Variants in GALNTL6 observed in about 807,000 individuals in gnomAD.
The protein encoded by GALNTL6 is polypeptide N-acetylgalactosaminyltransferase-like 6.
Under a neutral mutation model 73.7 loss-of-function variants are expected in GALNTL6, and 46 were observed. That is an observed-to-expected ratio of 0.62 (90% confidence interval 0.49 to 0.80). GALNTL6 has a LOEUF of 0.80. GALNTL6 is among the 30% of genes least tolerant of loss of function. The pLI is 0.00. For synonymous variants in GALNTL6, 259 were observed against 263.7 expected (o/e 0.98, Z 0.17); for missense variants, 604 against 755.0 (o/e 0.80, Z 2.34).
chr4:172,587,765 T>C (rs1246096635), intron 5 of GALNTL6, among the ~76,000 whole-genome samples: 1 of 152,120 alleles, frequency 6.6e-6, no homozygotes, highest in Non-Finnish European at 1.5e-5. Flanking sequence ...ACCACTAGAC[T>C]AGTGTGTGTG....
At chr4:172,934,063 A>T (rs936621494) in intron 9 of GALNTL6, among the ~76,000 whole-genome samples, 2 of 152,218 alleles carry the variant, frequency 1.3e-5, no homozygotes, top group Non-Finnish European at 2.9e-5. Context: ...TTTACCTGGC[A>T]TTAGAATCTG....
rs554232906 is a variant in GALNTL6 at position 172,747,029 on chromosome 4, A to T, written c.554-62332A>T. ...AGGATACAAAATTAATATTATGTTTATATACTAACAACAATCTGTCAAAGA... is the reference window on the plus strand; with the variant it reads ...AGGATACAAAATTAATATTATGTTTTTATACTAACAACAATCTGTCAAAGA... On this transcript the variant is annotated intron_variant, in intron 5 of 12. Coordinates refer to ENST00000506823, the MANE Select transcript of GALNTL6 (RefSeq NM_001034845.3). Among the ~76,000 whole-genome samples, 3 of 152,240 alleles carry T rather than the reference A, an allele frequency of 2.0e-5. No individual in the cohort carries two copies. In the East Asian group the frequency reaches 5.8e-4, roughly 29 times the overall value.
chr4:171,988,989 A>G (rs1209417820), intron 2 of GALNTL6, among the ~76,000 whole-genome samples: 1 of 152,060 alleles, frequency 6.6e-6, no homozygotes, highest in Non-Finnish European at 1.5e-5. Flanking sequence ...TAATTTAGTT[A>G]AAGTGTCTCG....
chr4:172,453,159 G>A (rs996374955), intron 5 of GALNTL6, among the ~76,000 whole-genome samples: 8 of 151,278 alleles, frequency 5.3e-5, no homozygotes, highest in East Asian at 1.9e-4. Context: ...CTGAGATCCC[G>A]CCATTGCATT....
At chr4:172,378,880 G>T (rs1022719526) in intron 5 of GALNTL6, among the ~76,000 whole-genome samples, 23 of 152,112 alleles carry the variant, frequency 1.5e-4, no homozygotes, top group African/African-American at 5.3e-4. Context: ...ATTTTATTAA[G>T]TGTTTTATGT....
chr4:172,319,120 A>G (rs1254979164), intron 4 of GALNTL6, among the ~76,000 whole-genome samples: 1 of 152,192 alleles, frequency 6.6e-6, no homozygotes, highest in Admixed American at 6.5e-5. Context: ...TTTAGGTTGT[A>G]TATAATAAAG....
rs988040654 is a variant in GALNTL6, at chr4:173,041,314, T to A, written c.*1214T>A. 6.6e-6 allele frequency: 1 copy of A among 152,112 alleles called. No homozygotes were observed. Among genetic ancestry groups the A allele is most frequent in the Admixed American group, 6.6e-5 (1 of 15,252 alleles). 9.4% of individuals were successfully genotyped at this position (152,112 alleles called of 1,614,324 possible). On this transcript the variant is annotated 3_prime_UTR_variant, in exon 13 of 13. Coordinates refer to ENST00000506823, the MANE Select transcript of GALNTL6 (RefSeq NM_001034845.3). ...CCATTTTCTGTTAATGGGACAATAT[T>A]TCGGGGATGAAGAAAGGAATGCTCC...
At position 172,813,600 on chromosome 4, in the gene GALNTL6, A is replaced by C; in HGVS notation, c.800A>C (p.Asn267Thr). The C allele has an allele frequency of 6.2e-7, 1 of 1,613,178 alleles. No homozygotes were observed. The highest frequency in any genetic ancestry group is 1.1e-5 in the South Asian group (1 of 90,950). Residue 267 changes from asparagine to threonine, a missense_variant, in exon 7 of 13, where the codon AAT becomes ACT. By Grantham distance (65) the Asn-to-Thr change is moderately conservative. Coordinates refer to ENST00000506823, the MANE Select transcript of GALNTL6 (RefSeq NM_001034845.3). ...CCCATGATCGATGTCATTGACCACA[A>C]TCACTTCGGGTATGAGGCACAAGCT... ...VCPMIDVIDH[N>T]HFGYEAQAGD...
chr4:172,755,780 A>G (rs1669575475), intron 5 of GALNTL6, among the ~76,000 whole-genome samples: 1 of 152,188 alleles, frequency 6.6e-6, no homozygotes, highest in South Asian at 2.1e-4. Flanking sequence ...CTTTAGAAAT[A>G]TCTATTCTTA....
chr4:172,371,284 A>G (rs1224877452), intron 5 of GALNTL6, among the ~76,000 whole-genome samples: 1 of 152,164 alleles, frequency 6.6e-6, no homozygotes, highest in Non-Finnish European at 1.5e-5. Flanking sequence ...TTCCTATGGT[A>G]ATTAATTAAG....
chr4:172,522,384 A>G (rs1416921666), intron 5 of GALNTL6, among the ~76,000 whole-genome samples: 2 of 152,156 alleles, frequency 1.3e-5, no homozygotes, highest in Non-Finnish European at 2.9e-5. Context: ...TAAAAAGTGT[A>G]TTTTAGGCCG....
intron 2 of GALNTL6, among the ~76,000 whole-genome samples, chr4:171,922,129 G>A (rs1298858536): frequency 6.6e-6 from 1 of 151,754 alleles, no homozygotes; most frequent in East Asian, 1.9e-4. Context: ...AAGCAATTTT[G>A]TGTGGCATAT....
chr4:172,342,202 G>A (rs891614052), intron 4 of GALNTL6, among the ~76,000 whole-genome samples: 19 of 151,804 alleles, frequency 1.3e-4, no homozygotes, highest in Non-Finnish European at 2.2e-4. Flanking sequence ...TCACAAAAAC[G>A]TTTGAGCTAA....
intron 2 of GALNTL6, among the ~76,000 whole-genome samples, chr4:172,211,703 T>C (rs1021752035): frequency 2.6e-5 from 4 of 152,192 alleles, no homozygotes; most frequent in Admixed American, 2.6e-4. Context: ...CAGAAATTTG[T>C]TTCTCATATT....
intron 7 of GALNTL6, among the ~76,000 whole-genome samples, chr4:172,821,054 A>G (rs1466990861): frequency 5.3e-5 from 8 of 152,214 alleles, no homozygotes; most frequent in Admixed American, 2.0e-4. Context: ...CAAAGAATCT[A>G]TTTCATGAAA....
intron 5 of GALNTL6, among the ~76,000 whole-genome samples, chr4:172,648,742 C>T (rs781373491): frequency 3.9e-5 from 6 of 152,168 alleles, no homozygotes; most frequent in African/African-American, 4.8e-5. Flanking sequence ...CTCCAACTGA[C>T]GCCTTTGCTA....
intron 2 of GALNTL6, among the ~76,000 whole-genome samples, chr4:171,990,263 T>A (rs1396262099): frequency 6.6e-6 from 1 of 152,242 alleles, no homozygotes; most frequent in Non-Finnish European, 1.5e-5. Flanking sequence ...GTGCATACCA[T>A]GTATTGGGCA....
chr4:172,413,975 G>A (rs576572888), intron 5 of GALNTL6, among the ~76,000 whole-genome samples: 1 of 152,086 alleles, frequency 6.6e-6, no homozygotes, highest in African/African-American at 2.4e-5. Context: ...AACTTTATGA[G>A]CCTGTTTGTT....
chr4:172,459,479 C>A (rs1732531467), intron 5 of GALNTL6, among the ~76,000 whole-genome samples: 1 of 152,142 alleles, frequency 6.6e-6, no homozygotes, highest in Admixed American at 6.5e-5. Context: ...TGTCTCAGCC[C>A]AAAATCTTCT....
Sources: gnomAD v4.1 joint callset for allele counts (sites outside exome capture counted in the v4.1 genomes callset) on GRCh38, gnomAD v4.1.1 for gene constraint, MANE v1.5 for transcripts, NCBI Gene and HGNC (gene_info 2026-07-23, HGNC 2026-07-21) for gene names.